The following OPTN variants were observed in gnomAD, a reference collection of about 807,000 sequenced individuals.
OPTN encodes optineurin.
A neutral mutation model predicts 70.4 loss-of-function variants in OPTN; 54 were observed. The observed-to-expected ratio is 0.77, with a 90% CI of 0.62 to 0.96. The LOEUF is 0.96. OPTN is among the 40% of genes least tolerant of loss of function. OPTN has a pLI of 0.00. For synonymous variants in OPTN, 256 were observed against 248.5 expected (o/e 1.03, Z -0.28); for missense variants, 624 against 673.2 (o/e 0.93, Z 0.81).
At position 13,137,300 on chromosome 10, in the gene OPTN, G is replaced by A; in HGVS notation, c.*434G>A. Reference sequence around the variant, plus strand: ...TCTCGAAAGAAAGAAAGAAAAAAAGGAAGGAAGGAGAAGGAAGGAAGGAGA... The same window carrying A: ...TCTCGAAAGAAAGAAAGAAAAAAAGAAAGGAAGGAGAAGGAAGGAAGGAGA... On this transcript the variant is annotated 3_prime_UTR_variant, in exon 15 of 15. Coordinates refer to ENST00000378747, the MANE Select transcript of OPTN (RefSeq NM_001008212.2). 1 of 320,938 alleles carries A rather than the reference G, an allele frequency of 3.1e-6. No homozygotes were observed. The highest frequency in any genetic ancestry group is 5.9e-6 in the Non-Finnish European group (1 of 170,654). 19.9% of individuals were successfully genotyped at this position (320,938 alleles called of 1,614,324 possible).
chr10:13,124,123 G>A lies in OPTN; in HGVS notation c.998+13G>A. ...GACTTCAAGAAAAGTAAGAATGAGA[G>A]AGCAATTTTATCCTCCTTTGAAATA... On this transcript the variant is annotated intron_variant, in intron 9 of 14. Coordinates refer to ENST00000378747, the MANE Select transcript of OPTN (RefSeq NM_001008212.2). The A allele has an allele frequency of 6.8e-7, 1 of 1,466,324 alleles. No homozygotes were observed. The highest frequency in any genetic ancestry group is 2.3e-5 in the East Asian group (1 of 44,162). The allele number at this position is 1,466,324 out of a possible 1,614,324, so 90.8% of individuals were successfully genotyped here. A position where few individuals can be genotyped will look rare whatever the true frequency, so the allele number is the denominator to read the frequency against.
chr10:13,128,429 G>C (rs10906307), intron 12 of OPTN, among the ~76,000 whole-genome samples: 29,177 of 146,990 alleles, frequency 0.2, 3,090 homozygotes, highest in East Asian at 0.3. Flanking sequence ...GATCACTAAT[G>C]GGAAAGAGTA....
Position 13,137,238 on chromosome 10 carries a change from C to G in OPTN, c.*372C>G, listed in dbSNP as rs930297446. 2 of 388,256 alleles carry G rather than the reference C, an allele frequency of 5.2e-6. No individual in the cohort carries two copies. Among genetic ancestry groups the G allele is most frequent in the South Asian group, 2.6e-5 (1 of 38,378 alleles). 24.1% of individuals were successfully genotyped at this position (388,256 alleles called of 1,614,324 possible). A position where few individuals can be genotyped will look rare whatever the true frequency, so the allele number is the denominator to read the frequency against. On this transcript the variant is annotated 3_prime_UTR_variant, in exon 15 of 15. Coordinates refer to ENST00000378747, the MANE Select transcript of OPTN (RefSeq NM_001008212.2). ...CAGTTGCAGTGAGCCGAGACGACAC[C>G]ACTGCACTCCAGCCTGGGTGACAGA...
At chr10:13,119,541 G>A (rs892973844) in intron 7 of OPTN, among the ~76,000 whole-genome samples, 1 of 152,152 alleles carries the variant, frequency 6.6e-6, no homozygotes, top group Admixed American at 6.5e-5. Flanking sequence ...ACTGGGATAT[G>A]TGTTTTTAAT....
In OPTN at chr10:13,109,306, C is replaced by T; in HGVS notation, c.166+18C>T. The T allele has an allele frequency of 6.2e-7, 1 of 1,613,542 alleles. No individual in the cohort carries two copies. Among genetic ancestry groups the T allele is most frequent in the East Asian group, 2.2e-5 (1 of 44,880 alleles). On this transcript the variant is annotated intron_variant, in intron 3 of 14. Transcript: ENST00000378747. ...GCTGAAAGGTGAGCAGGGCTGGCCCCTGTGTGCCCCATTCATCCTGGGCCT... is the reference window on the plus strand; with the variant it reads ...GCTGAAAGGTGAGCAGGGCTGGCCCTTGTGTGCCCCATTCATCCTGGGCCT...
At chr10:13,117,949 C>T (rs1833256498) in intron 6 of OPTN, among the ~76,000 whole-genome samples, 1 of 152,214 alleles carries the variant, frequency 6.6e-6, no homozygotes, top group Non-Finnish European at 1.5e-5. Flanking sequence ...AACAATTCTT[C>T]ACGTTTCCCC....
intron 7 of OPTN, among the ~76,000 whole-genome samples, chr10:13,122,055 A>G (rs148513632): frequency 5.8e-4 from 89 of 152,346 alleles, no homozygotes; most frequent in Middle Eastern, 3.4e-3. Flanking sequence ...ATGAGATACC[A>G]TGTTCATGGA....
At chr10:13,121,922 C>T (rs1833360584) in intron 7 of OPTN, among the ~76,000 whole-genome samples, 3 of 152,110 alleles carry the variant, frequency 2.0e-5, no homozygotes, top group Admixed American at 6.5e-5. Context: ...GGACGGCTTT[C>T]CTGTGGTTAT....
At position 13,126,047 on chromosome 10, in the gene OPTN, C is replaced by T; in HGVS notation, c.1242+8C>T. On this transcript the variant is annotated splice_region_variant and intron_variant, in intron 11 of 14. Coordinates refer to ENST00000378747, the MANE Select transcript of OPTN (RefSeq NM_001008212.2). ...GAACTAACAAGAAAAGAGGTATTCA[C>T]TGAAAAAAATTACTTCCATAGCCTA... The T allele has an allele frequency of 1.9e-6, 3 of 1,572,650 alleles. No individual in the cohort carries two copies. The highest frequency in any genetic ancestry group is 2.2e-5 in the East Asian group (1 of 44,636).
intron 3 of OPTN, among the ~76,000 whole-genome samples, chr10:13,109,834 C>CAAAAAAAAAAA (rs33911800): frequency 1.2e-5 from 1 of 84,914 alleles, no homozygotes; most frequent in Non-Finnish European, 2.2e-5. Context: ...GACCCTGACT[C>CAAAAAAAAAAA]AAAAAAAAAA....
intron 1 of OPTN, chr10:13,104,707 C>A (rs1434775347): frequency 7.3e-6 from 5 of 689,044 alleles, no homozygotes; most frequent in Non-Finnish European, 1.4e-5. Context: ...CAAGTCCCTG[C>A]AATATTCCTT....
intron 8 of OPTN, among the ~76,000 whole-genome samples, chr10:13,123,724 T>A (rs545908254): frequency 6.6e-6 from 1 of 152,350 alleles, no homozygotes; most frequent in Admixed American, 6.5e-5. Flanking sequence ...GGGTTCATTT[T>A]AATAGCGATA....
In OPTN at chr10:13,109,283, T is replaced by G. The variant is rs753480064; in HGVS notation, c.161T>G (p.Leu54Arg). Residue 54 changes from leucine to arginine, a missense_variant, in exon 3 of 15, where the codon CTG becomes CGG. Coordinates refer to ENST00000378747, the MANE Select transcript of OPTN (RefSeq NM_001008212.2). ...MKELLTENHQ[L>R]KEAMKLNNQA... is the part of the protein sequence containing the mutation. ...GAGCTCCTGACCGAGAACCACCAGC[T>G]GAAAGGTGAGCAGGGCTGGCCCCTG... is the stretch of plus-strand genomic sequence containing the variant. The G allele has an allele frequency of 6.2e-7, 1 of 1,613,596 alleles. No homozygotes were observed. Among genetic ancestry groups the G allele is most frequent in the African/African-American group, 1.3e-5 (1 of 74,852 alleles).
At chr10:13,104,311 G>A (rs1832815013) in intron 1 of OPTN, among the ~76,000 whole-genome samples, 1 of 141,238 alleles carries the variant, frequency 7.1e-6, no homozygotes. Context: ...CCAGGCTGGA[G>A]TGCAGTAGCA....
In OPTN at chr10:13,132,108, G is replaced by C. The variant is rs370287061; in HGVS notation, c.1443G>C (p.Ala481=). 6.2e-7 allele frequency: 1 copy of C among 1,613,470 alleles called. No homozygotes were observed. The highest frequency in any genetic ancestry group is 8.5e-7 in the Non-Finnish European group (1 of 1,179,596). The change falls in exon 13 of 15, where the codon GCG becomes GCC. Residue 481 remains alanine, a synonymous_variant. Coordinates refer to ENST00000378747, the MANE Select transcript of OPTN (RefSeq NM_001008212.2). Reference sequence around the variant, plus strand: ...CTGATTTTCATGCTGAAAGAGCAGCGAGAGAGAAAATTCATGAGGAAAAGG... The same window carrying C: ...CTGATTTTCATGCTGAAAGAGCAGCCAGAGAGAAAATTCATGAGGAAAAGG... ...YCSDFHAERA[A]REKIHEEKEQ...
chr10:13,115,470 AAT>A (rs374183218), intron 5 of OPTN, among the ~76,000 whole-genome samples: 16 of 65,864 alleles, frequency 2.4e-4, no homozygotes, highest in South Asian at 1.3e-3. Flanking sequence ...TATAATATAG[AAT>A]ATATATAATA....
rs1833731659 is a variant in OPTN, at chr10:13,137,998, A to G, written c.*1132A>G. 1 of 204,832 alleles carries G rather than the reference A, an allele frequency of 4.9e-6. No individual in the cohort carries two copies. The highest frequency in any genetic ancestry group is 1.9e-4 in the South Asian group (1 of 5,266). The allele number at this position is 204,832 out of a possible 1,614,324, so 12.7% of individuals were successfully genotyped here. ...TATGAATCTTTTACATTGTTTATAT[A>G]TGATTAATATCATCATATATATTTT... On this transcript the variant is annotated 3_prime_UTR_variant, in exon 15 of 15. Coordinates refer to ENST00000378747, the MANE Select transcript of OPTN (RefSeq NM_001008212.2).
intron 5 of OPTN, among the ~76,000 whole-genome samples, chr10:13,113,278 G>A (rs1422329820): frequency 2.0e-5 from 3 of 152,100 alleles, no homozygotes. Context: ...CACCCGCCTC[G>A]GCCTCCCAAA....
At chr10:13,129,527 A>G (rs916870032) in intron 12 of OPTN, among the ~76,000 whole-genome samples, 1 of 151,710 alleles carries the variant, frequency 6.6e-6, no homozygotes, top group Non-Finnish European at 1.5e-5. Flanking sequence ...TAATTTTTGT[A>G]TTTTTAGTAG....
Sources: allele counts gnomAD v4.1 joint callset (sites outside exome capture counted in the v4.1 genomes callset), GRCh38; gene constraint gnomAD v4.1.1; transcripts MANE v1.5; gene names NCBI Gene and HGNC (gene_info 2026-07-23, HGNC 2026-07-21).